The following ME3 variants were observed in gnomAD, a reference collection of about 807,000 sequenced individuals.
The protein encoded by ME3 is NADP-dependent malic enzyme, mitochondrial.
A neutral mutation model predicts 68.9 loss-of-function variants in ME3; 48 were observed. That is an observed-to-expected ratio of 0.70 (90% CI 0.55 to 0.89). The LOEUF (loss-of-function observed/expected upper bound fraction) is 0.89. Ranked by LOEUF, ME3 falls within the 40% of genes least tolerant of loss-of-function variation. The probability of loss-of-function intolerance (pLI) is 0.00; values close to 1 mark genes in which losing one functional copy is unlikely to be tolerated. For missense variants in ME3, 675 were observed against 797.4 expected, an observed-to-expected ratio of 0.85 and a Z score of 1.85; for synonymous variants, 320 against 318.8, an observed-to-expected ratio of 1.00 and a Z score of -0.04.
chr11:86,534,020 G>A (rs907026404), intron 4 of ME3, among the ~76,000 whole-genome samples: 1 of 151,398 alleles, frequency 6.6e-6, no homozygotes. Context: ...GTAAATATTT[G>A]TTACTATCTG....
At chr11:86,641,923 T>A (rs1944696167) in intron 2 of ME3, among the ~76,000 whole-genome samples, 1 of 152,208 alleles carries the variant, frequency 6.6e-6, no homozygotes, top group Non-Finnish European at 1.5e-5. Flanking sequence ...GACAATTGGC[T>A]GATAGTGAGT....
chr11:86,454,105 G>T (rs7122479), intron 8 of ME3, among the ~76,000 whole-genome samples: 112,155 of 152,164 alleles, frequency 0.74, 41,830 homozygotes, highest in South Asian at 0.85. Flanking sequence ...AAAAGGAAAT[G>T]AAAGTAGGAC....
intron 2 of ME3, among the ~76,000 whole-genome samples, chr11:86,564,068 C>T (rs1226165081): frequency 6.6e-6 from 1 of 152,130 alleles, no homozygotes; most frequent in Non-Finnish European, 1.5e-5. Flanking sequence ...TTGATTCTTC[C>T]AATCCATTAG....
At chr11:86,595,674 C>G (rs1230068493) in intron 2 of ME3, among the ~76,000 whole-genome samples, 1 of 152,206 alleles carries the variant, frequency 6.6e-6, no homozygotes, top group Non-Finnish European at 1.5e-5. Flanking sequence ...GAACTGGGAT[C>G]TAGCTCAAGA....
intron 2 of ME3, among the ~76,000 whole-genome samples, chr11:86,621,893 T>G (rs1182832714): frequency 1.3e-5 from 2 of 152,030 alleles, no homozygotes; most frequent in African/African-American, 4.8e-5. Context: ...AATGTGAAAT[T>G]ACTTTTTCCT....
intron 2 of ME3, among the ~76,000 whole-genome samples, chr11:86,638,805 T>A (rs7480835): frequency 6.6e-6 from 1 of 152,112 alleles, no homozygotes; most frequent in Non-Finnish European, 1.5e-5. Flanking sequence ...AAGATCACAC[T>A]GCTAGTAAGT....
At chr11:86,593,572 A>C (rs1290507512) in intron 2 of ME3, among the ~76,000 whole-genome samples, 8 of 146,622 alleles carry the variant, frequency 5.5e-5, no homozygotes, top group African/African-American at 2.0e-4. Context: ...ATTTTCTGAT[A>C]CATTTTCTCC....
At chr11:86,512,657 G>A (rs1356999712) in intron 4 of ME3, among the ~76,000 whole-genome samples, 1 of 152,188 alleles carries the variant, frequency 6.6e-6, no homozygotes, top group Non-Finnish European at 1.5e-5. Context: ...GCTTAGAGCA[G>A]GAAAATAAGC....
At chr11:86,547,255 A>AAG (rs1381557509) in intron 4 of ME3, among the ~76,000 whole-genome samples, 6 of 151,504 alleles carry the variant, frequency 4.0e-5, no homozygotes, top group Non-Finnish European at 8.8e-5. Context: ...AAAAAAAAAA[A>AAG]AAAAAGAAAA....
rs1284324486 is a variant in ME3 at position 86,657,002 on chromosome 11, GC to G, written c.183+14759del. Among the ~76,000 whole-genome samples, 3 of 152,270 alleles carry G rather than the reference GC, an allele frequency of 2.0e-5. No homozygotes were observed. The East Asian group carries it at 5.8e-4, about 29-fold the overall frequency. ...GGAGAGGATGTGGAGAAATAGGAAC[GC>G]TTTTATACTGTTGGTGGGAGTGCAA... On this transcript the variant is annotated intron_variant, in intron 2 of 14. Coordinates refer to ENST00000543262, the Ensembl canonical transcript of ME3.
chr11:86,440,863 A>G (rs1310283658), downstream of ME3, among the ~76,000 whole-genome samples: 1 of 152,166 alleles, frequency 6.6e-6, no homozygotes, highest in East Asian at 1.9e-4. Flanking sequence ...CATAGGAAGT[A>G]TCCTCTCCCT....
chr11:86,496,023 A>G (rs974765806), intron 6 of ME3, among the ~76,000 whole-genome samples: 1 of 152,140 alleles, frequency 6.6e-6, no homozygotes, highest in African/African-American at 2.4e-5. Flanking sequence ...AGGTCTGCCC[A>G]CCGTTCCATC....
chr11:86,540,007 A>G (rs188837427), intron 4 of ME3, among the ~76,000 whole-genome samples: 4 of 152,348 alleles, frequency 2.6e-5, no homozygotes, highest in South Asian at 2.1e-4. Context: ...TCTGATAGCA[A>G]TAACTTAAGC....
chr11:86,560,748 G>GTGTGTATGTGTA (rs1243025217), intron 2 of ME3, among the ~76,000 whole-genome samples: 36 of 62,526 alleles, frequency 5.8e-4, no homozygotes, highest in African/African-American at 1.9e-3. Flanking sequence ...GTGTGTGTGT[G>GTGTGTATGTGTA]TATATATATA....
chr11:86,488,436 C>T (rs182481826), intron 6 of ME3, among the ~76,000 whole-genome samples: 8 of 152,172 alleles, frequency 5.3e-5, no homozygotes, highest in African/African-American at 1.9e-4. Flanking sequence ...TGAATACCTA[C>T]CATGTGCCTC....
chr11:86,603,812 G>T (rs2082181420), intron 2 of ME3, among the ~76,000 whole-genome samples: 1 of 151,528 alleles, frequency 6.6e-6, no homozygotes, highest in African/African-American at 2.4e-5. Context: ...GGATGAAACT[G>T]GAAATCATCA....
chr11:86,477,571 A>C (rs962904542), intron 7 of ME3, among the ~76,000 whole-genome samples: 3 of 152,162 alleles, frequency 2.0e-5, no homozygotes, highest in African/African-American at 7.2e-5. Flanking sequence ...CCATAATCTA[A>C]AAGTTTCAGT....
rs1460485632 is a variant in ME3, at chr11:86,594,597, G to T, written c.184-34774C>A. Among the ~76,000 whole-genome samples the T allele has an allele frequency of 7.5e-5, 11 of 146,002 alleles. 2 individuals are homozygous for T. The highest frequency in any genetic ancestry group is 1.3e-4 in the Non-Finnish European group (9 of 67,090). ...ATAGCCCAGCTACTTGGGAGGCTGAGATGGGAAGATCACTTGAGCCCGAGA... is the reference window on the plus strand; with the variant it reads ...ATAGCCCAGCTACTTGGGAGGCTGATATGGGAAGATCACTTGAGCCCGAGA... On this transcript the variant is annotated intron_variant, in intron 2 of 14. Transcript: ENST00000543262.
At chr11:86,447,266 TCTG>T (rs1425749138) in intron 11 of ME3, 59 bp from the exon 12 acceptor site, 1 of 1,579,558 alleles carries the variant, frequency 6.3e-7, no homozygotes, top group Non-Finnish European at 8.6e-7. Flanking sequence ...CCATTCCTCT[TCTG>T]CTGGTGGTGG....
Sources: gnomAD v4.1 joint callset for allele counts (sites outside exome capture counted in the v4.1 genomes callset) on GRCh38, gnomAD v4.1.1 for gene constraint, MANE v1.5 for transcripts, NCBI Gene and HGNC (gene_info 2026-07-23, HGNC 2026-07-21) for gene names.